BEND2: variants seen among roughly 807,000 people sequenced by gnomAD.
The protein encoded by BEND2 is BEN domain containing 2.
In BEND2, 19 loss-of-function variants were observed where a neutral mutation model predicts 43.8. That is an observed-to-expected ratio of 0.43 (90% CI 0.30 to 0.64). The LOEUF (loss-of-function observed/expected upper bound fraction) is 0.64, where lower values mean the gene tolerates loss of function less well. Among genes scored for constraint, BEND2 ranks in the 30% least tolerant of loss-of-function variants. The pLI, the probability that BEND2 is intolerant of heterozygous loss-of-function variation, is 0.11. For synonymous variants in BEND2, 226 were observed against 210.1 expected (o/e 1.08, Z -0.66); for missense variants, 544 against 574.0 (o/e 0.95, Z 0.53).
rs1466567349 is a variant in BEND2, at chrX:18,180,144, T to C, written c.1429+366A>G. 3.0e-4 allele frequency among the ~76,000 whole-genome samples: 34 copies of C among 111,923 alleles called. No homozygotes were observed. In the Admixed American group the frequency reaches 3.2e-3, roughly 11 times the overall value. ...GTGAGCCAAGATCATGCCACTGCACTCCAGCCTGGGCAATAGAGCAAGACT... is the reference window on the plus strand; with the variant it reads ...GTGAGCCAAGATCATGCCACTGCACCCCAGCCTGGGCAATAGAGCAAGACT... On this transcript the variant is annotated intron_variant, in intron 9 of 13. Transcript: ENST00000380033.
At chrX:18,181,145 G>C (rs1924371567) in intron 8 of BEND2, among the ~76,000 whole-genome samples, 1 of 111,339 alleles carries the variant, frequency 9.0e-6, no homozygotes, top group African/African-American at 3.3e-5. Flanking sequence ...AGAATAGAAA[G>C]ATGCATGTGG....
intron 4 of BEND2, among the ~76,000 whole-genome samples, chrX:18,208,537 C>A (rs747808278): frequency 1.8e-5 from 2 of 110,429 alleles, no homozygotes; most frequent in East Asian, 2.8e-4. Context: ...TCACTAGGAG[C>A]CAAAGTAAGC....
chrX:18,220,299 CGGCGTCG>C (rs1202359589), intron 1 of BEND2, among the ~76,000 whole-genome samples: 5 of 112,300 alleles, frequency 4.5e-5, no homozygotes, highest in African/African-American at 1.6e-4. Context: ...CGCCGGAGCC[CGGCGTCG>C]CGAGCGCCGA....
At chrX:18,165,661 C>G (rs1051076567) in intron 13 of BEND2, among the ~76,000 whole-genome samples, 11 of 112,072 alleles carry the variant, frequency 9.8e-5, no homozygotes, top group Admixed American at 6.7e-4. Context: ...TTTTTTGGTA[C>G]TGCTGGATTT....
At chrX:18,175,874 A>G in intron 11 of BEND2, 98 bp downstream of exon 11, 3 of 807,054 alleles carry the variant, frequency 3.7e-6, no homozygotes, top group Non-Finnish European at 5.0e-6. Flanking sequence ...ATTTTAGCAC[A>G]TGGCCTAAAG....
intron 8 of BEND2, among the ~76,000 whole-genome samples, chrX:18,187,444 A>C (rs1924613763): frequency 8.9e-6 from 1 of 112,042 alleles, no homozygotes; most frequent in South Asian, 3.7e-4. Context: ...AAAAGGATAT[A>C]ACAATTGTAA....
intron 3 of BEND2, among the ~76,000 whole-genome samples, 169 bp from the exon 4 acceptor site, chrX:18,212,849 T>C (rs1401533902): frequency 8.9e-6 from 1 of 112,357 alleles, no homozygotes; most frequent in Non-Finnish European, 1.9e-5. Context: ...ATTTTAAAAC[T>C]GAAGGGCTAT....
In BEND2 at chrX:18,174,174, C is replaced by T; in HGVS notation, c.1837G>A (p.Gly613Ser). ...TGAAACATCCAAGAACAGCCTTCAC[C>T]ACCATCTCTGCCCCTTTGGTCATTT... Reference protein sequence around the residue: ...DRNDQRGRDGGEGCSWMFQPM... With the variant: ...DRNDQRGRDGSEGCSWMFQPM... Residue 613 changes from glycine to serine, a missense_variant, in exon 12 of 14, where the codon GGT becomes AGT. Physicochemically the swap from Gly to Ser is moderately conservative, Grantham distance 56. Around this residue, in one of 2 missense-constraint regions of BEND2, gnomAD observed 501 missense variants for 501.6 expected, o/e 1.00. Coordinates refer to ENST00000380033, the MANE Select transcript of BEND2 (RefSeq NM_153346.5). 1 of 1,211,733 alleles carries T rather than the reference C, an allele frequency of 8.3e-7. No homozygotes were observed. Among genetic ancestry groups the T allele is most frequent in the Non-Finnish European group, 1.1e-6 (1 of 895,392 alleles).
Position 18,203,722 on chromosome X carries a change from C to A in BEND2, c.686G>T (p.Cys229Phe). ...QYVAQGGSFP[C>F]FGMPWNFISG... Reference sequence around the variant, plus strand: ...GATAAAGTTCCATGGCATACCGAAACAAGGAAATGAGCCACCTTGTGCGAC... The same window carrying A: ...GATAAAGTTCCATGGCATACCGAAAAAAGGAAATGAGCCACCTTGTGCGAC... Residue 229 changes from cysteine to phenylalanine, a missense_variant, in exon 5 of 14, where the codon TGT becomes TTT. Physicochemically the swap from Cys to Phe is radical, Grantham distance 205 (BLOSUM62 -2). Around this residue, in one of 2 missense-constraint regions of BEND2, gnomAD observed 501 missense variants for 501.6 expected, o/e 1.00. Transcript: ENST00000380033. The A allele has an allele frequency of 8.3e-7, 1 of 1,211,084 alleles. No homozygotes were observed. The highest frequency in any genetic ancestry group is 1.1e-6 in the Non-Finnish European group (1 of 894,713).
chrX:18,195,535 A>G, intron 6 of BEND2, 93 bp from the exon 7 acceptor site: 1 of 893,715 alleles, frequency 1.1e-6, no homozygotes, highest in African/African-American at 2.0e-5. Context: ...CTCGAACGAA[A>G]GAAAACTAAA....
intron 6 of BEND2, among the ~76,000 whole-genome samples, chrX:18,195,696 C>G (rs1220561376): frequency 1.8e-5 from 2 of 109,848 alleles, no homozygotes; most frequent in African/African-American, 6.6e-5. Flanking sequence ...GCCTGGACAA[C>G]ATGAGACCCC....
intron 1 of BEND2, among the ~76,000 whole-genome samples, chrX:18,219,785 A>G (rs1925798554): frequency 9.0e-6 from 1 of 111,629 alleles, no homozygotes; most frequent in Non-Finnish European, 1.9e-5. Flanking sequence ...GCACGCCTGT[A>G]GTCTCCGCTC....
chrX:18,180,166 G>A (rs960919025), intron 9 of BEND2, among the ~76,000 whole-genome samples: 2 of 111,930 alleles, frequency 1.8e-5, no homozygotes, highest in African/African-American at 3.2e-5. Flanking sequence ...AATAGAGCAA[G>A]ACTCCACTTC....
At chrX:18,167,262 G>C (rs889624139) in intron 13 of BEND2, among the ~76,000 whole-genome samples, 2 of 108,864 alleles carry the variant, frequency 1.8e-5, no homozygotes, top group African/African-American at 6.7e-5. Context: ...GCCTGGGCAA[G>C]AGTGAGACCC....
chrX:18,209,638 C>T (rs1042841051), intron 4 of BEND2, among the ~76,000 whole-genome samples: 6 of 111,385 alleles, frequency 5.4e-5, no homozygotes, highest in Non-Finnish European at 1.1e-4. Context: ...ACACCAAGAT[C>T]GAGACATTTT....
chrX:18,197,417 G>C (rs896575091), intron 6 of BEND2, among the ~76,000 whole-genome samples: 67 of 111,909 alleles, frequency 6.0e-4, no homozygotes, highest in African/African-American at 2.1e-3. Flanking sequence ...CTGGGTGACA[G>C]AGTGAGACTC....
intron 1 of BEND2, 150 bp from the exon 2 acceptor site, chrX:18,216,883 AAGTT>A: frequency 8.1e-6 from 4 of 494,859 alleles, no homozygotes; most frequent in East Asian, 3.7e-5. Flanking sequence ...TAATCATTAC[AAGTT>A]AGTTAATGAA....
At chrX:18,192,580 C>A (rs1445971182) in intron 7 of BEND2, among the ~76,000 whole-genome samples, 1 of 112,438 alleles carries the variant, frequency 8.9e-6, no homozygotes, top group Admixed American at 9.5e-5. Context: ...TACAACCAAG[C>A]CTTTGCACTC....
intron 9 of BEND2, among the ~76,000 whole-genome samples, chrX:18,179,943 G>A (rs1040230814): frequency 8.9e-6 from 1 of 112,246 alleles, no homozygotes; most frequent in Non-Finnish European, 1.9e-5. Flanking sequence ...TTGGGAGGCC[G>A]AGGCAGATGG....
Sources: allele counts gnomAD v4.1 joint callset (sites outside exome capture counted in the v4.1 genomes callset), GRCh38; gene constraint gnomAD v4.1.1; regional missense constraint gnomAD v4.1.1; transcripts MANE v1.5; gene names NCBI Gene and HGNC (gene_info 2026-07-23, HGNC 2026-07-21).